The following TESK2 variants were observed in gnomAD, a reference collection of about 807,000 sequenced individuals.
TESK2 encodes the protein dual specificity testis-specific protein kinase 2.
TESK2 carries 39 observed loss-of-function variants against 57.1 expected under a neutral mutation model. That is an observed-to-expected ratio of 0.68 (90% confidence interval 0.53 to 0.89). The LOEUF (loss-of-function observed/expected upper bound fraction) is 0.89. TESK2 is among the 40% of genes least tolerant of loss of function. The pLI is 0.00. For synonymous variants in TESK2, 249 were observed against 267.9 expected, an observed-to-expected ratio of 0.93 and a Z score of 0.69; for missense variants, 646 against 732.1, an observed-to-expected ratio of 0.88 and a Z score of 1.36.
intron 4 of TESK2, among the ~76,000 whole-genome samples, chr1:45,374,492 T>G (rs1044136382): frequency 6.6e-6 from 1 of 152,162 alleles, no homozygotes; most frequent in African/African-American, 2.4e-5. Context: ...TGCATGCTAA[T>G]TAAATAATAT....
At chr1:45,361,173 A>T (rs1463988404) in intron 4 of TESK2, among the ~76,000 whole-genome samples, 1 of 152,162 alleles carries the variant, frequency 6.6e-6, no homozygotes, top group African/African-American at 2.4e-5. Context: ...CTTCTCCATA[A>T]GCAACTCCCA....
At chr1:45,360,812 A>G (rs1291635889) in intron 4 of TESK2, among the ~76,000 whole-genome samples, 2 of 152,110 alleles carry the variant, frequency 1.3e-5, no homozygotes, top group African/African-American at 4.8e-5. Flanking sequence ...ATTTGTCAAC[A>G]AGGAAGATTT....
At chr1:45,439,412 C>T (rs961361192) in intron 2 of TESK2, among the ~76,000 whole-genome samples, 9 of 152,128 alleles carry the variant, frequency 5.9e-5, no homozygotes, top group Admixed American at 5.9e-4. Context: ...AAAATATATA[C>T]ATGTTCTTAA....
intron 9 of TESK2, among the ~76,000 whole-genome samples, chr1:45,346,341 G>A (rs12737690): frequency 4.6e-5 from 7 of 152,186 alleles, no homozygotes; most frequent in Non-Finnish European, 8.8e-5. Flanking sequence ...TCCAGCCCCA[G>A]AGCTACATAC....
chr1:45,369,001 T>G (rs1392402677), intron 4 of TESK2, among the ~76,000 whole-genome samples: 1 of 151,632 alleles, frequency 6.6e-6, no homozygotes, highest in Non-Finnish European at 1.5e-5. Flanking sequence ...GTGATCCACC[T>G]GCCTCGGCCT....
intron 2 of TESK2, among the ~76,000 whole-genome samples, chr1:45,453,341 C>CAAAAA: frequency 3.8e-5 from 2 of 53,146 alleles, no homozygotes; most frequent in Middle Eastern, 9.3e-3. Context: ...GACCCTGTCT[C>CAAAAA]AAAAAAAAAA....
intron 1 of TESK2, among the ~76,000 whole-genome samples, chr1:45,482,351 G>A (rs1653260594): frequency 6.6e-6 from 1 of 151,850 alleles, no homozygotes; most frequent in Non-Finnish European, 1.5e-5. Flanking sequence ...AACATAGTGA[G>A]ACCATGCCTC....
chr1:45,347,128 C>T, intron 7 of TESK2, 66 bp from the exon 8 acceptor site: 6 of 1,378,156 alleles, frequency 4.4e-6, no homozygotes, highest in South Asian at 1.2e-5. Context: ...TGCCCCTGCC[C>T]CTGCCTCCCC....
At chr1:45,388,041 A>C (rs1648973821) in intron 3 of TESK2, among the ~76,000 whole-genome samples, 1 of 152,200 alleles carries the variant, frequency 6.6e-6, no homozygotes, top group African/African-American at 2.4e-5. Flanking sequence ...AATTAATAAT[A>C]AAAATAAAAT....
chr1:45,475,064 A>C (rs1570768030), intron 1 of TESK2, among the ~76,000 whole-genome samples: 1 of 55,378 alleles, frequency 1.8e-5, no homozygotes, highest in Non-Finnish European at 3.3e-5. Flanking sequence ...ACTCTATCTC[A>C]AAAAAAAAAA....
At chr1:45,392,463 G>A (rs1649185320) in intron 3 of TESK2, among the ~76,000 whole-genome samples, 5 of 152,128 alleles carry the variant, frequency 3.3e-5, no homozygotes, top group Admixed American at 2.6e-4. Flanking sequence ...AGCACTTTGC[G>A]AGGCAGAAGC....
intron 2 of TESK2, among the ~76,000 whole-genome samples, chr1:45,432,721 A>T (rs940686309): frequency 1.3e-5 from 2 of 150,638 alleles, no homozygotes; most frequent in Non-Finnish European, 1.5e-5. Flanking sequence ...ATACATTATT[A>T]ATGATAGTCA....
At chr1:45,415,411 C>G (rs554562426) in intron 3 of TESK2, 2 of 744,034 alleles carry the variant, frequency 2.7e-6, no homozygotes, top group East Asian at 5.1e-5. Flanking sequence ...GAGCACTCCT[C>G]CACCCCATTT....
At chr1:45,477,090 G>A (rs1366895255) in intron 1 of TESK2, among the ~76,000 whole-genome samples, 7 of 140,800 alleles carry the variant, frequency 5.0e-5, no homozygotes, top group Non-Finnish European at 9.3e-5. Context: ...TTAGCCAGGC[G>A]CGGTGGCACA....
intron 9 of TESK2, 107 bp from the exon 10 acceptor site, chr1:45,346,101 A>G (rs1164911643): frequency 1.1e-6 from 1 of 870,462 alleles, no homozygotes; most frequent in Non-Finnish European, 1.9e-6. Context: ...TGCAGCTGAG[A>G]GACCTTTTCT....
chr1:45,405,740 G>A (rs1479179370), intron 3 of TESK2, among the ~76,000 whole-genome samples: 1 of 151,536 alleles, frequency 6.6e-6, no homozygotes, highest in Non-Finnish European at 1.5e-5. Flanking sequence ...GTGTGGTGGT[G>A]TATACGTGTA....
chr1:45,371,157 T>C (rs1387416435), intron 4 of TESK2, among the ~76,000 whole-genome samples: 1 of 150,700 alleles, frequency 6.6e-6, no homozygotes, highest in Non-Finnish European at 1.5e-5. Flanking sequence ...CATCAATGGA[T>C]TGTAAAATGG....
At chr1:45,432,345 C>G (rs565575259) in intron 2 of TESK2, among the ~76,000 whole-genome samples, 52 of 151,892 alleles carry the variant, frequency 3.4e-4, no homozygotes, top group Non-Finnish European at 4.7e-4. Context: ...GAGTATTTAT[C>G]ATTTATATGT....
intron 3 of TESK2, among the ~76,000 whole-genome samples, chr1:45,419,394 A>G (rs1351992651): frequency 6.6e-6 from 1 of 152,040 alleles, no homozygotes; most frequent in Non-Finnish European, 1.5e-5. Context: ...CTTTCCATCA[A>G]TGTAAGTAGA....
Sources: gnomAD v4.1 joint callset for allele counts (sites outside exome capture counted in the v4.1 genomes callset) on GRCh38, gnomAD v4.1.1 for gene constraint, MANE v1.5 for transcripts, NCBI Gene and HGNC (gene_info 2026-07-23, HGNC 2026-07-21) for gene names.